Variants in SLC27A2 observed in about 807,000 individuals in gnomAD.
SLC27A2 encodes long-chain fatty acid transport protein 2.
A neutral mutation model predicts 60.0 loss-of-function variants in SLC27A2; 54 were observed. The observed-to-expected ratio is 0.90, with a 90% CI of 0.72 to 1.13. The LOEUF (loss-of-function observed/expected upper bound fraction) is 1.13. Ranked by LOEUF, SLC27A2 falls within the 50% of genes most tolerant of loss-of-function variation. The pLI, the probability that SLC27A2 is intolerant of heterozygous loss-of-function variation, is 0.00. For missense variants in SLC27A2, 739 were observed against 777.6 expected (o/e 0.95, Z 0.59); for synonymous variants, 297 against 297.6 (o/e 1.00, Z 0.02).
chr15:50,229,050 CAAGAT>C lies in SLC27A2; in HGVS notation c.1555+10_1555+14del. ...ATGGAGTGCATGTGCCAGGTATATA[CAAGAT>C]ATGATCTGTACCTAACCCATAGAGT... On this transcript the variant is annotated intron_variant, in intron 8 of 9. Transcript: ENST00000267842. The C allele has an allele frequency of 6.4e-7, 1 of 1,550,460 alleles. No homozygotes were observed.
At chr15:50,217,612 G>A (rs2045208870) in intron 4 of SLC27A2, among the ~76,000 whole-genome samples, 3 of 152,156 alleles carry the variant, frequency 2.0e-5, no homozygotes, top group Admixed American at 6.5e-5. Context: ...AGCCCAGCTA[G>A]CAGTAGCCCC....
intron 1 of SLC27A2, among the ~76,000 whole-genome samples, chr15:50,186,938 C>T (rs750217392): frequency 6.6e-6 from 1 of 152,088 alleles, no homozygotes; most frequent in Non-Finnish European, 1.5e-5. Flanking sequence ...GAGTTTCAGC[C>T]CAGGGCTTGT....
At position 50,182,861 on chromosome 15, in the gene SLC27A2, A is replaced by G. The variant is rs983502204; in HGVS notation, c.434A>G (p.His145Arg). 6.2e-7 allele frequency: 1 copy of G among 1,612,906 alleles called. No homozygotes were observed. The highest frequency in any genetic ancestry group is 1.7e-5 in the Admixed American group (1 of 60,028). Residue 145 changes from histidine to arginine, a missense_variant, in exon 1 of 10, where the codon CAC (histidine) becomes CGC (arginine). Physicochemically the swap from His to Arg is conservative, Grantham distance 29. Coordinates refer to ENST00000267842, the MANE Select transcript of SLC27A2 (RefSeq NM_003645.4). ...NYNIRAKSLL[H>R]CFQCCGAKVL... Reference sequence around the variant, plus strand: ...AACATCCGCGCGAAGTCCCTGCTGCACTGCTTCCAGTGCTGCGGGGCGAAG... The same window carrying G: ...AACATCCGCGCGAAGTCCCTGCTGCGCTGCTTCCAGTGCTGCGGGGCGAAG...
chr15:50,185,901 T>C (rs1287850372), intron 1 of SLC27A2, among the ~76,000 whole-genome samples: 1 of 151,720 alleles, frequency 6.6e-6, no homozygotes, highest in African/African-American at 2.4e-5. Flanking sequence ...AGTGCTGGGA[T>C]TACAGGCGTG....
chr15:50,186,860 G>A (rs765179966), intron 1 of SLC27A2, among the ~76,000 whole-genome samples: 6 of 152,154 alleles, frequency 3.9e-5, no homozygotes, highest in African/African-American at 7.2e-5. Flanking sequence ...TCTCACTTAC[G>A]AGGCACTGTT....
intron 5 of SLC27A2, among the ~76,000 whole-genome samples, chr15:50,224,886 C>T: frequency 6.6e-6 from 1 of 152,152 alleles, no homozygotes; most frequent in East Asian, 1.9e-4. Context: ...ATCTCCTACA[C>T]CCCACTGGAA....
chr15:50,226,132 G>A (rs773940967), intron 6 of SLC27A2, 54 bp downstream of exon 6: 26 of 1,084,212 alleles, frequency 2.4e-5, no homozygotes, highest in Non-Finnish European at 3.7e-5. Context: ...TTGATCAAGT[G>A]ACTTTTAAGG....
chr15:50,188,579 C>T (rs1291235604), intron 1 of SLC27A2, among the ~76,000 whole-genome samples: 3 of 152,340 alleles, frequency 2.0e-5, no homozygotes, highest in Non-Finnish European at 4.4e-5. Flanking sequence ...TGTTTCAATG[C>T]ACTTTGTCTC....
Position 50,227,034 on chromosome 15 carries a change from A to G in SLC27A2, c.1313A>G (p.Tyr438Cys). Residue 438 changes from tyrosine to cysteine, a missense_variant, in exon 7 of 10, where the codon TAT becomes TGT. Tyr to Cys is a radical substitution (Grantham distance 194). Transcript: ENST00000267842. ...ACACAACTTACACCATTTAATGGCTATGCTGGAGCAAAGGCTCAGACAGAG... is the reference window on the plus strand; with the variant it reads ...ACACAACTTACACCATTTAATGGCTGTGCTGGAGCAAAGGCTCAGACAGAG... Reference protein sequence around the residue: ...KITQLTPFNGYAGAKAQTEKK... With the variant: ...KITQLTPFNGCAGAKAQTEKK... 1 of 1,614,204 alleles carries G rather than the reference A, an allele frequency of 6.2e-7. No homozygotes were observed. The highest frequency in any genetic ancestry group is 1.1e-5 in the South Asian group (1 of 91,072).
Position 50,182,660 on chromosome 15 carries a change from C to A in SLC27A2, c.233C>A (p.Thr78Asn), listed in dbSNP as rs749865980. ...HKPFLLFRDE[T>N]LTYAQVDRRS... ...CCTTTTCTGCTCTTCCGCGACGAGACTCTCACCTACGCGCAGGTGGACCGG... is the reference window on the plus strand; with the variant it reads ...CCTTTTCTGCTCTTCCGCGACGAGAATCTCACCTACGCGCAGGTGGACCGG... The change falls in exon 1 of 10, where the codon ACT becomes AAT. Residue 78 changes from threonine to asparagine, a missense_variant. Thr to Asn is a moderately conservative substitution (Grantham distance 65). Transcript: ENST00000267842. 12 of 1,613,914 alleles carry A rather than the reference C, an allele frequency of 7.4e-6. No homozygotes were observed. The South Asian group carries it at 1.2e-4, about 16-fold the overall frequency.
intron 5 of SLC27A2, among the ~76,000 whole-genome samples, chr15:50,224,064 TCA>T (rs1170550058): frequency 6.6e-6 from 1 of 152,212 alleles, no homozygotes; most frequent in African/African-American, 2.4e-5. Flanking sequence ...GGCCTCAATT[TCA>T]TCATCTGTAA....
chr15:50,183,158 G>C (rs1006939594), intron 1 of SLC27A2, among the ~76,000 whole-genome samples: 1 of 152,244 alleles, frequency 6.6e-6, no homozygotes, highest in African/African-American at 2.4e-5. Context: ...ACAATGGGTA[G>C]GCTTTGTTAT....
chr15:50,190,506 G>C (rs1442822311), intron 1 of SLC27A2, among the ~76,000 whole-genome samples: 1 of 151,990 alleles, frequency 6.6e-6, no homozygotes, highest in Non-Finnish European at 1.5e-5. Flanking sequence ...TGCAGGTTTA[G>C]CCTGAGCACC....
intron 1 of SLC27A2, among the ~76,000 whole-genome samples, chr15:50,183,134 G>A (rs1412996164): frequency 2.0e-5 from 3 of 152,150 alleles, no homozygotes; most frequent in Non-Finnish European, 2.9e-5. Context: ...CAGGCAGTGT[G>A]GTTTTTAATC....
At chr15:50,187,483 A>G (rs1018923723) in intron 1 of SLC27A2, among the ~76,000 whole-genome samples, 1 of 152,214 alleles carries the variant, frequency 6.6e-6, no homozygotes, top group East Asian at 1.9e-4. Flanking sequence ...CATTTATCCT[A>G]GCATCAAGAC....
chr15:50,226,173 T>A (rs942699314), intron 6 of SLC27A2, 95 bp downstream of exon 6: 13 of 771,622 alleles, frequency 1.7e-5, no homozygotes, highest in Non-Finnish European at 2.7e-5. Context: ...TGGTAAAATT[T>A]ATCAGAGTGG....
intron 5 of SLC27A2, among the ~76,000 whole-genome samples, chr15:50,224,510 C>T (rs16963439): frequency 0.16 from 24,034 of 152,172 alleles, 1,915 homozygotes; most frequent in Middle Eastern, 0.18. Flanking sequence ...TGTCATTTAA[C>T]AGCCTTGAAT....
At position 50,226,997 on chromosome 15, in the gene SLC27A2, G is replaced by A; in HGVS notation, c.1276G>A (p.Val426Ile). 6.2e-7 allele frequency: 1 copy of A among 1,613,800 alleles called. No individual in the cohort carries two copies. Among genetic ancestry groups the A allele is most frequent in the Non-Finnish European group, 8.5e-7 (1 of 1,179,910 alleles). Residue 426 changes from valine to isoleucine, a missense_variant, in exon 7 of 10, where the codon GTT becomes ATT. Transcript: ENST00000267842. ...RVPKGEVGLL[V>I]CKITQLTPFN... ...TGTCTTAGGTGAAGTTGGACTTCTG[G>A]TTTGCAAAATCACACAACTTACACC...
At chr15:50,183,237 A>C (rs1313539031) in intron 1 of SLC27A2, among the ~76,000 whole-genome samples, 2 of 152,136 alleles carry the variant, frequency 1.3e-5, no homozygotes, top group African/African-American at 4.8e-5. Flanking sequence ...TCTATCTCCA[A>C]ATTCCAAGCT....
Sources: gnomAD v4.1 joint callset for allele counts (sites outside exome capture counted in the v4.1 genomes callset) on GRCh38, gnomAD v4.1.1 for gene constraint, MANE v1.5 for transcripts, NCBI Gene and HGNC (gene_info 2026-07-23, HGNC 2026-07-21) for gene names.